The following RGS10 variants were observed in gnomAD, a reference collection of about 807,000 sequenced individuals.
The protein encoded by RGS10 is regulator of G-protein signalling 10.
RGS10 carries 11 observed loss-of-function variants against 23.5 expected under a neutral mutation model. The ratio of observed to expected loss-of-function variants is 0.47; its 90% CI spans 0.29 to 0.77. The LOEUF (loss-of-function observed/expected upper bound fraction) is 0.77. Among genes scored for constraint, RGS10 ranks in the 30% least tolerant of loss-of-function variants. The pLI, the probability that RGS10 is intolerant of heterozygous loss-of-function variation, is 0.08. For synonymous variants in RGS10, 77 were observed against 83.2 expected (o/e 0.92, Z 0.41); for missense variants, 180 against 226.3 (o/e 0.80, Z 1.31).
At chr10:119,511,078 C>T (rs769273468) in intron 4 of RGS10, among the ~76,000 whole-genome samples, 1 of 152,100 alleles carries the variant, frequency 6.6e-6, no homozygotes, top group African/African-American at 2.4e-5. Flanking sequence ...CTGAAGAAAC[C>T]ACCTCTTTGT....
Position 119,524,427 on chromosome 10 carries a change from A to T in RGS10, c.255+1605T>A, listed in dbSNP as rs187459384. On this transcript the variant is annotated intron_variant, in intron 3 of 4. Coordinates refer to ENST00000369103, the MANE Select transcript of RGS10 (RefSeq NM_001005339.2). The surrounding 1 kb of genome is among the most constrained non-coding windows in gnomAD (Gnocchi z 5.2). ...ACCGGCCCACCCACAGGCCCCTCCTACCTCTAACACTCAAAAGAATAAGGC... is the reference window on the plus strand; with the variant it reads ...ACCGGCCCACCCACAGGCCCCTCCTTCCTCTAACACTCAAAAGAATAAGGC... Among the ~76,000 whole-genome samples, 2 of 152,146 alleles carry T rather than the reference A, an allele frequency of 1.3e-5. No individual in the cohort carries two copies. The highest frequency in any genetic ancestry group is 1.3e-4 in the Admixed American group (2 of 15,270).
At position 119,513,143 on chromosome 10, in the gene RGS10, T is replaced by A. The variant is rs187915664; in HGVS notation, c.399+2366A>T. Among the ~76,000 whole-genome samples, 140 of 152,322 alleles carry A rather than the reference T, an allele frequency of 9.2e-4. 1 individual carries two copies. Among genetic ancestry groups the A allele is most frequent in the Non-Finnish European group, 1.5e-3 (104 of 68,028 alleles). On this transcript the variant is annotated intron_variant, in intron 4 of 4. Coordinates refer to ENST00000369103, the MANE Select transcript of RGS10 (RefSeq NM_001005339.2). The stretch of plus-strand genomic sequence containing the variant: ...TGCTGAGCATGTGTGATGCTTACAG[T>A]TGGATAAAAACTATTTTAAAAAATT...
intron 2 of RGS10, among the ~76,000 whole-genome samples, chr10:119,526,918 C>A (rs1473194292): frequency 6.6e-6 from 1 of 152,066 alleles, no homozygotes; most frequent in Non-Finnish European, 1.5e-5. Flanking sequence ...TCATTGCCAG[C>A]CTCTCTTACT....
At position 119,515,667 on chromosome 10, in the gene RGS10, T is replaced by A. The variant is rs1844134101; in HGVS notation, c.256-15A>T. The A allele has an allele frequency of 6.2e-7, 1 of 1,613,770 alleles. No individual in the cohort carries two copies. Among genetic ancestry groups the A allele is most frequent in the Non-Finnish European group, 8.5e-7 (1 of 1,179,930 alleles). ...TTTTCCTGCATCTGGAGGAGACAGA[T>A]GGGGCCTTGTGCTATCTGCACACAC... On this transcript the variant is annotated splice_polypyrimidine_tract_variant and intron_variant, in intron 3 of 4. Transcript: ENST00000369103.
chr10:119,527,580 T>C lies in RGS10; in HGVS notation c.50-156A>G. The C allele has an allele frequency of 1.6e-6, 1 of 640,254 alleles. No individual in the cohort carries two copies. The highest frequency in any genetic ancestry group is 1.8e-5 in the South Asian group (1 of 54,152). The allele number at this position is 640,254 out of a possible 1,614,324, so 39.7% of individuals were successfully genotyped here. A position where few individuals can be genotyped will look rare whatever the true frequency, so the allele number is the denominator to read the frequency against. On this transcript the variant is annotated intron_variant, in intron 1 of 4. Transcript: ENST00000369103. The surrounding 1 kb of genome is among the most constrained non-coding windows in gnomAD (Gnocchi z 4.2). ...TAGGTGCTTAACATGATGGACTCAT[T>C]CTTGTCACACAACCCTGTAAGGCAG... is the stretch of plus-strand genomic sequence containing the variant.
At chr10:119,537,288 A>G (rs1844397902) in intron 1 of RGS10, among the ~76,000 whole-genome samples, 1 of 151,562 alleles carries the variant, frequency 6.6e-6, no homozygotes. Flanking sequence ...AGGCTGAGGC[A>G]GGAGAATGGC....
chr10:119,508,170 T>C (rs1282066667), intron 4 of RGS10, among the ~76,000 whole-genome samples: 2 of 152,054 alleles, frequency 1.3e-5, no homozygotes, highest in African/African-American at 4.8e-5. Flanking sequence ...GCTAATTTTT[T>C]TGTATTATTC....
intron 1 of RGS10, among the ~76,000 whole-genome samples, chr10:119,534,615 G>T (rs1299738103): frequency 1.5e-5 from 2 of 134,334 alleles, no homozygotes; most frequent in African/African-American, 5.6e-5. Context: ...AAAAAGGTTG[G>T]CGCGGTGGCT....
chr10:119,523,200 G>T (rs968426654), intron 3 of RGS10, among the ~76,000 whole-genome samples: 1 of 152,024 alleles, frequency 6.6e-6, no homozygotes, highest in Admixed American at 6.6e-5. Flanking sequence ...CTGCATCTTC[G>T]AATGGGAACA....
chr10:119,517,795 GAGGCC>G lies in RGS10; in HGVS notation c.256-2148_256-2144del, dbSNP rs1288785117. Among the ~76,000 whole-genome samples the G allele has an allele frequency of 1.3e-5, 2 of 152,254 alleles. No individual in the cohort carries two copies. The highest frequency in any genetic ancestry group is 3.8e-4 in the East Asian group (2 of 5,200). Reference sequence around the variant, plus strand: ...CTTGAGTCTTTGAGGTGGGGCAGAAGAGGCCGGGGGAGAGGAAGTAGGTTCCAGTG... The same window carrying G: ...CTTGAGTCTTTGAGGTGGGGCAGAAGGGGGGAGAGGAAGTAGGTTCCAGTG... On this transcript the variant is annotated intron_variant, in intron 3 of 4. Coordinates refer to ENST00000369103, the MANE Select transcript of RGS10 (RefSeq NM_001005339.2). This position sits in a 1 kb window ranked among gnomAD's most constrained non-coding sequence, Gnocchi z 5.0.
intron 1 of RGS10, among the ~76,000 whole-genome samples, chr10:119,530,237 C>A (rs1417770752): frequency 6.6e-6 from 1 of 152,202 alleles, no homozygotes; most frequent in African/African-American, 2.4e-5. Context: ...TGTATCAGAG[C>A]ACACTGGACT....
chr10:119,512,380 GAC>G (rs896591365), intron 4 of RGS10, among the ~76,000 whole-genome samples: 1 of 152,000 alleles, frequency 6.6e-6, no homozygotes, highest in Admixed American at 6.6e-5. Flanking sequence ...CACGCATTTT[GAC>G]AGTTACAGCA....
intron 1 of RGS10, chr10:119,536,447 TG>T: frequency 1.2e-6 from 2 of 1,611,770 alleles, no homozygotes; most frequent in Non-Finnish European, 8.5e-7. Context: ...TGGAAAGGGG[TG>T]GGGGCGATTC....
In RGS10 at chr10:119,527,406, C is replaced by T. The variant is rs1589840531; in HGVS notation, c.68G>A (p.Gly23Asp). 6.2e-7 allele frequency: 1 copy of T among 1,614,006 alleles called. No individual in the cohort carries two copies. Among genetic ancestry groups the T allele is most frequent in the African/African-American group, 1.3e-5 (1 of 74,936 alleles). Residue 23 changes from glycine to aspartate, a missense_variant, in exon 2 of 5, where the codon GGC becomes GAC. Transcript: ENST00000369103. This position sits in a 1 kb window ranked among gnomAD's most constrained non-coding sequence, Gnocchi z 4.2. ...GCTCTGGTGGCTGCTGCTGGAACTG[C>T]CATCGCTGTCGTGGATGTCTGCAAA... The part of the protein sequence containing the change: ...RPPSDIHDSD[G>D]SSSSSHQSLK...
At position 119,524,651 on chromosome 10, in the gene RGS10, C is replaced by T. The variant is rs1471901871; in HGVS notation, c.255+1381G>A. Among the ~76,000 whole-genome samples the T allele has an allele frequency of 6.6e-6, 1 of 152,140 alleles. No individual in the cohort carries two copies. Among genetic ancestry groups the T allele is most frequent in the Non-Finnish European group, 1.5e-5 (1 of 68,026 alleles). ...TCCTAGCATCCCAAAGCATCCCCCA[C>T]CACCTGCTTCTCACTTTCCCCTGGG... is the stretch of plus-strand genomic sequence containing the variant. On this transcript the variant is annotated intron_variant, in intron 3 of 4. Transcript: ENST00000369103. The surrounding 1 kb of genome is among the most constrained non-coding windows in gnomAD (Gnocchi z 5.2).
chr10:119,535,965 TA>T (rs995714689), intron 1 of RGS10, among the ~76,000 whole-genome samples: 5 of 152,228 alleles, frequency 3.3e-5, no homozygotes, highest in Admixed American at 1.3e-4. Context: ...GTACATTTTT[TA>T]AAAAGTCCTC....
chr10:119,515,291 A>G (rs1844128669), intron 4 of RGS10: 1 of 573,916 alleles, frequency 1.7e-6, no homozygotes, highest in Non-Finnish European at 3.1e-6. Context: ...GTGTAGACCA[A>G]GATTAAACAG....
intron 4 of RGS10, among the ~76,000 whole-genome samples, chr10:119,508,756 C>A (rs1202979886): frequency 1.3e-5 from 2 of 152,238 alleles, no homozygotes; most frequent in Non-Finnish European, 2.9e-5. Flanking sequence ...CATGAATTTT[C>A]TTTTCTTTAT....
chr10:119,521,627 AAAGGAAGGAAGGAAGG>A (rs3064538), intron 3 of RGS10, among the ~76,000 whole-genome samples: 1 of 119,856 alleles, frequency 8.3e-6, no homozygotes, highest in Non-Finnish European at 1.6e-5. Context: ...GGAAGGAAAG[AAAGGAAGGAAGGAAGG>A]AAGGAAGGAA....
Sources: allele counts gnomAD v4.1 joint callset (sites outside exome capture counted in the v4.1 genomes callset), GRCh38; gene constraint gnomAD v4.1.1; non-coding constraint Gnocchi (gnomAD v3.1); transcripts MANE v1.5; gene names NCBI Gene and HGNC (gene_info 2026-07-23, HGNC 2026-07-21).